EYA2: variants seen among roughly 807,000 people sequenced by gnomAD.
The protein encoded by EYA2 is EYA transcriptional coactivator and phosphatase 2, also known as protein phosphatase EYA2.
Under a neutral mutation model 69.2 loss-of-function variants are expected in EYA2, and 31 were observed. The observed-to-expected ratio is 0.45, with a 90% confidence interval of 0.34 to 0.60. EYA2 has a LOEUF of 0.60. EYA2 is among the 20% of genes least tolerant of loss of function. The probability of loss-of-function intolerance (pLI) is 0.02; values close to 1 mark genes in which losing one functional copy is unlikely to be tolerated. For missense variants in EYA2, 622 were observed against 701.2 expected (o/e 0.89, Z 1.28); for synonymous variants, 257 against 279.4 (o/e 0.92, Z 0.80).
At chr20:47,150,206 G>A (rs2033795912) in intron 10 of EYA2, among the ~76,000 whole-genome samples, 1 of 152,168 alleles carries the variant, frequency 6.6e-6, no homozygotes, top group African/African-American at 2.4e-5. Flanking sequence ...TGCATTCTCT[G>A]GTCCTGGCCC....
chr20:46,960,018 T>A (rs537698092), intron 1 of EYA2, among the ~76,000 whole-genome samples: 1 of 152,326 alleles, frequency 6.6e-6, no homozygotes, highest in South Asian at 2.1e-4. Context: ...AAGAAAATGA[T>A]TTTTTAAGTG....
chr20:47,004,838 GA>G, intron 3 of EYA2, 103 bp from the exon 4 acceptor site: 1 of 1,471,402 alleles, frequency 6.8e-7, no homozygotes, highest in Non-Finnish European at 9.5e-7. Flanking sequence ...CTCTGCTCTG[GA>G]AAGAGTAGAA....
At chr20:47,001,723 A>G (rs1982385419) in intron 3 of EYA2, among the ~76,000 whole-genome samples, 1 of 151,742 alleles carries the variant, frequency 6.6e-6, no homozygotes, top group Admixed American at 6.6e-5. Flanking sequence ...CACACTTAGA[A>G]TGGGGCCTGG....
At chr20:47,004,782 C>T in intron 3 of EYA2, 160 bp from the exon 4 acceptor site, 1 of 961,564 alleles carries the variant, frequency 1.0e-6, no homozygotes, top group Admixed American at 2.0e-5. Context: ...TTCCTGCTTC[C>T]CAGGCAGAGG....
intron 5 of EYA2, among the ~76,000 whole-genome samples, chr20:47,054,727 T>C (rs1044165848): frequency 2.0e-5 from 3 of 152,146 alleles, no homozygotes; most frequent in African/African-American, 7.2e-5. Context: ...ACTCCGGGAC[T>C]CACTTGGGGG....
chr20:47,030,870 T>A (rs988512110), intron 5 of EYA2, among the ~76,000 whole-genome samples: 2 of 152,178 alleles, frequency 1.3e-5, no homozygotes, highest in Non-Finnish European at 1.5e-5. Context: ...GATCCTCTCG[T>A]CTCAGCCTCC....
chr20:47,103,857 G>C (rs1311172552), intron 9 of EYA2, among the ~76,000 whole-genome samples: 2 of 152,194 alleles, frequency 1.3e-5, no homozygotes, highest in Admixed American at 1.3e-4. Context: ...TTATCAGTTG[G>C]ATAGTTGAAG....
chr20:46,973,096 C>T (rs879877966), intron 1 of EYA2, among the ~76,000 whole-genome samples: 1 of 152,184 alleles, frequency 6.6e-6, no homozygotes, highest in Non-Finnish European at 1.5e-5. Context: ...AGGAGGGACA[C>T]ACCTGGGACT....
intron 10 of EYA2, among the ~76,000 whole-genome samples, chr20:47,147,041 G>A (rs1296620141): frequency 2.0e-5 from 3 of 150,298 alleles, no homozygotes; most frequent in Non-Finnish European, 4.4e-5. Context: ...ATATCCAGGA[G>A]AGGCTCCTCT....
At chr20:46,934,526 C>T (rs185126619) in intron 1 of EYA2, among the ~76,000 whole-genome samples, 46 of 152,216 alleles carry the variant, frequency 3.0e-4, no homozygotes, top group African/African-American at 1.1e-3. Flanking sequence ...CACTGTGGGA[C>T]GCGAAAGTGA....
At chr20:47,085,019 A>G (rs531829236) in intron 7 of EYA2, among the ~76,000 whole-genome samples, 1 of 151,718 alleles carries the variant, frequency 6.6e-6, no homozygotes, top group South Asian at 2.1e-4. Flanking sequence ...TATTTTTTGT[A>G]GAGACGGGGG....
In EYA2 at chr20:47,004,991, T is replaced by C; in HGVS notation, c.205T>C (p.Tyr69His). 1 of 1,614,120 alleles carries C rather than the reference T, an allele frequency of 6.2e-7. No homozygotes were observed. Residue 69 changes from tyrosine to histidine, a missense_variant, in exon 4 of 16, where the codon TAC (tyrosine) becomes CAC (histidine). Around this residue, in one of 2 missense-constraint regions of EYA2, gnomAD observed 365 missense variants for 349.7 expected, o/e 1.04. Transcript: ENST00000327619. ...CCAGCCTTCCACAGCCATGGCAGCCTACGGCCAGACGCAGTACAGTGCGGG... is the reference window on the plus strand; with the variant it reads ...CCAGCCTTCCACAGCCATGGCAGCCCACGGCCAGACGCAGTACAGTGCGGG... ...PRQPSTAMAA[Y>H]GQTQYSAGIQ... is the part of the protein sequence containing the mutation.
At position 47,072,175 on chromosome 20, in the gene EYA2, C is replaced by T. The variant is rs929224476; in HGVS notation, c.416-10C>T. 1.2e-6 allele frequency: 2 copies of T among 1,611,926 alleles called. No individual in the cohort carries two copies. The highest frequency in any genetic ancestry group is 1.7e-6 in the Non-Finnish European group (2 of 1,178,852). On this transcript the variant is annotated splice_polypyrimidine_tract_variant and intron_variant, in intron 5 of 15. Coordinates refer to ENST00000327619, the MANE Select transcript of EYA2 (RefSeq NM_005244.5). ...ACCCTAACCTGTACCCCTGTTCCTC[C>T]TTCCCACAGGCACAACAGGGTTCTA...
At chr20:47,167,449 A>G (rs1459029677) in intron 10 of EYA2, among the ~76,000 whole-genome samples, 5 of 151,300 alleles carry the variant, frequency 3.3e-5, no homozygotes, top group Admixed American at 6.6e-5. Flanking sequence ...TGCCCAGCTA[A>G]TTTTTTGTAT....
chr20:47,177,952 A>G (rs2034455108), intron 12 of EYA2, among the ~76,000 whole-genome samples: 1 of 152,234 alleles, frequency 6.6e-6, no homozygotes. Context: ...GAAGAGCTAC[A>G]GTGTGTTGGG....
At chr20:47,017,989 T>C (rs1983512623) in intron 5 of EYA2, among the ~76,000 whole-genome samples, 2 of 152,186 alleles carry the variant, frequency 1.3e-5, no homozygotes, top group Admixed American at 1.3e-4. Context: ...TGCTCTCACG[T>C]CTGTGTCCCC....
At chr20:46,986,419 A>ATATATAATATATAGATCTATATAATATC (rs1568705353) in intron 1 of EYA2, among the ~76,000 whole-genome samples, 16 of 142,180 alleles carry the variant, frequency 1.1e-4, no homozygotes, top group Non-Finnish European at 2.3e-4. Context: ...TATAATATCT[A>ATATATAATATATAGATCTATATAATATC]TATATATAAT....
intron 1 of EYA2, among the ~76,000 whole-genome samples, chr20:46,956,342 G>T (rs899552967): frequency 2.0e-5 from 3 of 152,186 alleles, no homozygotes; most frequent in Non-Finnish European, 4.4e-5. Flanking sequence ...ATTGGTTAAG[G>T]TAATGTCAGC....
At chr20:46,975,003 C>T (rs1980374650) in intron 1 of EYA2, among the ~76,000 whole-genome samples, 1 of 151,622 alleles carries the variant, frequency 6.6e-6, no homozygotes, top group Non-Finnish European at 1.5e-5. Flanking sequence ...AGGTTGCATA[C>T]TGCGTGATTC....
Sources: gnomAD v4.1 joint callset for allele counts (sites outside exome capture counted in the v4.1 genomes callset) on GRCh38, gnomAD v4.1.1 for gene constraint, gnomAD v4.1.1 regional missense constraint, MANE v1.5 for transcripts, NCBI Gene and HGNC (gene_info 2026-07-23, HGNC 2026-07-21) for gene names.